The following SULT4A1 variants were observed in gnomAD, a reference collection of about 807,000 sequenced individuals.
SULT4A1 encodes sulfotransferase 4A1.
SULT4A1 carries 11 observed loss-of-function variants against 35.2 expected under a neutral mutation model. The observed-to-expected ratio is 0.31, with a 90% CI of 0.20 to 0.52. SULT4A1 has a LOEUF of 0.52. SULT4A1 is among the 20% of genes least tolerant of loss of function. SULT4A1 has a pLI of 0.97. For missense variants in SULT4A1, 271 were observed against 383.7 expected (o/e 0.71, Z 2.45); for synonymous variants, 152 against 151.8 (o/e 1.00, Z -0.01).
intron 1 of SULT4A1, among the ~76,000 whole-genome samples, chr22:43,860,865 G>A (rs2049459271): frequency 6.6e-6 from 1 of 152,168 alleles, no homozygotes; most frequent in East Asian, 1.9e-4. Context: ...TAAGGCAGGG[G>A]AGAGGCTGGC....
rs1214034953 is a variant in SULT4A1, at chr22:43,848,870, G to A, written c.170-6938C>T. Among the ~76,000 whole-genome samples the A allele has an allele frequency of 3.8e-4, 58 of 152,258 alleles. 1 individual carries two copies. The highest frequency in any genetic ancestry group is 3.8e-3 in the Admixed American group (58 of 15,292). On this transcript the variant is annotated intron_variant, in intron 1 of 6. Transcript: ENST00000330884. ...AGTCAAGCTTTCAAACAGAAACCAG[G>A]GGAGCCAACAGGGCAGAGCCACCTG...
chr22:43,837,408 G>C (rs2063385977), intron 4 of SULT4A1, among the ~76,000 whole-genome samples: 1 of 152,202 alleles, frequency 6.6e-6, no homozygotes, highest in South Asian at 2.1e-4. Context: ...CCCATGCTCT[G>C]CAGAGAGCAG....
chr22:43,846,813 T>C (rs1371241626), intron 1 of SULT4A1, among the ~76,000 whole-genome samples: 1 of 152,242 alleles, frequency 6.6e-6, no homozygotes, highest in Non-Finnish European at 1.5e-5. Context: ...AGGGGGTCTT[T>C]GTCCTTAGAA....
At chr22:43,827,004 G>T in intron 6 of SULT4A1, 1 of 985,466 alleles carries the variant, frequency 1.0e-6, no homozygotes, top group South Asian at 4.7e-5. Flanking sequence ...GACAAGAGAA[G>T]TTGTTGCTCC....
At chr22:43,834,256 A>G (rs1343882200) in intron 4 of SULT4A1, among the ~76,000 whole-genome samples, 1 of 151,922 alleles carries the variant, frequency 6.6e-6, no homozygotes, top group Admixed American at 6.5e-5. Flanking sequence ...CTGACCTCCA[A>G]GAGGCCGGCA....
chr22:43,842,014 C>G (rs1206280239), intron 1 of SULT4A1, 82 bp from the exon 2 acceptor site: 48 of 1,520,500 alleles, frequency 3.2e-5, no homozygotes, highest in Non-Finnish European at 4.2e-5. Flanking sequence ...ACCTGCTGCC[C>G]AAGAAGGGGC....
At chr22:43,839,899 TC>T (rs1300323076) in intron 3 of SULT4A1, 45 bp downstream of exon 3, 1 of 1,556,982 alleles carries the variant, frequency 6.4e-7, no homozygotes, top group Non-Finnish European at 8.7e-7. Context: ...CTTGGGCTCC[TC>T]TTGGTGGGGA....
At chr22:43,836,026 A>C (rs1252991894) in intron 4 of SULT4A1, among the ~76,000 whole-genome samples, 2 of 152,228 alleles carry the variant, frequency 1.3e-5, no homozygotes, top group African/African-American at 4.8e-5. Context: ...AAGGGAAGGG[A>C]ATCATCCATC....
In SULT4A1 at chr22:43,852,071, G is replaced by A. The variant is rs529897250; in HGVS notation, c.170-10139C>T. Among the ~76,000 whole-genome samples, 201 of 152,302 alleles carry A rather than the reference G, an allele frequency of 1.3e-3. 1 individual carries two copies. The highest frequency in any genetic ancestry group is 0.011 in the South Asian group (53 of 4,828). ...GTTTCAAGAGGAAACAGACACCAGC[G>A]TGTGTGTTCAGTCTGCCCCACTGAA... On this transcript the variant is annotated intron_variant, in intron 1 of 6. Transcript: ENST00000330884.
intron 1 of SULT4A1, among the ~76,000 whole-genome samples, chr22:43,842,493 A>C (rs2063441434): frequency 6.6e-6 from 1 of 152,208 alleles, no homozygotes; most frequent in African/African-American, 2.4e-5. Flanking sequence ...CCCATCAGCA[A>C]TAGAATGAGT....
intron 3 of SULT4A1, 126 bp from the exon 4 acceptor site, chr22:43,839,119 A>T: frequency 1.5e-6 from 2 of 1,304,156 alleles, no homozygotes; most frequent in Admixed American, 4.1e-5. Flanking sequence ...TCCAGCGTCC[A>T]GCTGGGGCCC....
chr22:43,838,738 C>T (rs2063397818), intron 4 of SULT4A1, 129 bp downstream of exon 4: 1 of 1,281,524 alleles, frequency 7.8e-7, no homozygotes, highest in Non-Finnish European at 1.1e-6. Flanking sequence ...TGTAAAGTGA[C>T]CGCGGGCCTG....
intron 1 of SULT4A1, among the ~76,000 whole-genome samples, chr22:43,843,287 T>C (rs1397207891): frequency 1.3e-5 from 2 of 152,170 alleles, no homozygotes; most frequent in African/African-American, 4.8e-5. Context: ...CTGGGCATAG[T>C]GGCATACATC....
intron 1 of SULT4A1, among the ~76,000 whole-genome samples, chr22:43,852,730 C>CT (rs2049356046): frequency 6.6e-6 from 1 of 151,450 alleles, no homozygotes; most frequent in South Asian, 2.1e-4. Flanking sequence ...ACGGGAAGCT[C>CT]TAAGAGGAAA....
At chr22:43,846,958 T>C (rs2063480729) in intron 1 of SULT4A1, among the ~76,000 whole-genome samples, 1 of 152,168 alleles carries the variant, frequency 6.6e-6, no homozygotes, top group Non-Finnish European at 1.5e-5. Context: ...TAAAGTCTTC[T>C]TACATCAATA....
At chr22:43,830,597 G>C (rs909096314) in intron 5 of SULT4A1, among the ~76,000 whole-genome samples, 2 of 152,248 alleles carry the variant, frequency 1.3e-5, no homozygotes, top group Non-Finnish European at 2.9e-5. Context: ...CACGGAGCCA[G>C]CGTGTTGGGG....
intron 1 of SULT4A1, among the ~76,000 whole-genome samples, chr22:43,846,170 TC>T (rs1383940940): frequency 5.3e-5 from 8 of 152,088 alleles, no homozygotes; most frequent in Admixed American, 5.2e-4. Context: ...AACCGGCCCT[TC>T]CCCAGGCTGC....
intron 1 of SULT4A1, among the ~76,000 whole-genome samples, chr22:43,851,788 G>A (rs2049344362): frequency 6.6e-6 from 1 of 152,186 alleles, no homozygotes; most frequent in Non-Finnish European, 1.5e-5. Flanking sequence ...GGTCCCCGAA[G>A]AAGAAAACTG....
chr22:43,836,739 G>T (rs920232990), intron 4 of SULT4A1, among the ~76,000 whole-genome samples: 23 of 150,638 alleles, frequency 1.5e-4, no homozygotes, highest in Middle Eastern at 3.5e-3. Flanking sequence ...TCCTCACACT[G>T]CAGGTGCCAC....
Sources: gnomAD v4.1 joint callset for allele counts (sites outside exome capture counted in the v4.1 genomes callset) on GRCh38, gnomAD v4.1.1 for gene constraint, MANE v1.5 for transcripts, NCBI Gene and HGNC (gene_info 2026-07-23, HGNC 2026-07-21) for gene names.